MPPED2: variants seen among roughly 807,000 people sequenced by gnomAD.
The protein encoded by MPPED2 is metallophosphoesterase domain containing 2, also known as metallophosphoesterase MPPED2.
In MPPED2, 5 loss-of-function variants were observed where a neutral mutation model predicts 33.0. The ratio of observed to expected loss-of-function variants is 0.15; its 90% CI spans 0.08 to 0.32. The LOEUF is 0.32. Among genes scored for constraint, MPPED2 ranks in the 10% least tolerant of loss-of-function variants. The probability of loss-of-function intolerance (pLI) is 1.00; values close to 1 mark genes in which losing one functional copy is unlikely to be tolerated. For synonymous variants in MPPED2, 136 were observed against 141.9 expected (o/e 0.96, Z 0.29); for missense variants, 275 against 372.1 (o/e 0.74, Z 2.15).
chr11:30,529,714 C>T (rs181118472), intron 3 of MPPED2, among the ~76,000 whole-genome samples: 90 of 152,216 alleles, frequency 5.9e-4, no homozygotes, highest in African/African-American at 2.0e-3. Flanking sequence ...AAGGTTTTTC[C>T]TAAAGACCAG....
intron 4 of MPPED2, among the ~76,000 whole-genome samples, chr11:30,457,399 C>G (rs2482466): frequency 0.12 from 16,421 of 139,272 alleles, 1,195 homozygotes; most frequent in South Asian, 0.26. Context: ...AAAAAAAAAA[C>G]AGTTCCTTCT....
At chr11:30,540,393 C>T (rs1010065504) in intron 2 of MPPED2, among the ~76,000 whole-genome samples, 13 of 152,202 alleles carry the variant, frequency 8.5e-5, no homozygotes, top group South Asian at 6.2e-4. Flanking sequence ...GCCTTGGTTC[C>T]CTCATCAGTA....
At chr11:30,386,417 A>T (rs927146629) in exon 7 of MPPED2, 1 of 231,960 alleles carries the variant, frequency 4.3e-6, no homozygotes, top group Non-Finnish European at 8.3e-6. Flanking sequence ...GGCAGCTCCA[A>T]TTCCAGTCTT....
At chr11:30,450,667 C>T (rs1950017356) in intron 4 of MPPED2, among the ~76,000 whole-genome samples, 1 of 152,180 alleles carries the variant, frequency 6.6e-6, no homozygotes, top group Admixed American at 6.5e-5. Flanking sequence ...ATAATAGCTG[C>T]ATATGTGAAC....
chr11:30,424,811 A>G (rs10488820), intron 4 of MPPED2, among the ~76,000 whole-genome samples: 14,119 of 152,222 alleles, frequency 0.093, 726 homozygotes, highest in East Asian at 0.19. Flanking sequence ...GATGTCTTGC[A>G]TTAGCCCACA....
At chr11:30,460,301 C>G (rs973606412) in intron 4 of MPPED2, among the ~76,000 whole-genome samples, 2 of 152,126 alleles carry the variant, frequency 1.3e-5, no homozygotes, top group African/African-American at 2.4e-5. Flanking sequence ...TCCCCCTCAC[C>G]CCAAAAATGG....
intron 3 of MPPED2, among the ~76,000 whole-genome samples, chr11:30,497,765 A>G (rs2134222688): frequency 6.6e-6 from 1 of 151,158 alleles, no homozygotes; most frequent in South Asian, 2.1e-4. Flanking sequence ...TCAGAAAGAC[A>G]AGCATCTTTG....
At chr11:30,435,570 C>T (rs1314149897) in intron 4 of MPPED2, among the ~76,000 whole-genome samples, 1 of 152,166 alleles carries the variant, frequency 6.6e-6, no homozygotes, top group African/African-American at 2.4e-5. Context: ...AACTGTGTTT[C>T]AAAATCTCAC....
chr11:30,474,800 T>C (rs948125587), intron 4 of MPPED2, among the ~76,000 whole-genome samples: 2 of 152,184 alleles, frequency 1.3e-5, no homozygotes, highest in Non-Finnish European at 2.9e-5. Flanking sequence ...TTCTAAGTTA[T>C]GTAAGCCAGT....
At position 30,485,984 on chromosome 11, in the gene MPPED2, G is replaced by A. The variant is rs141987873; in HGVS notation, c.536+9312C>T. ...AGCATGCAGGCTCATCAGAAGGGGC[G>A]GAAGGATGTCCTGCGGCTCTGCAGA... On this transcript the variant is annotated intron_variant, in intron 4 of 6. Coordinates refer to ENST00000358117, the MANE Select transcript of MPPED2 (RefSeq NM_001584.3). 1.7e-3 allele frequency among the ~76,000 whole-genome samples: 261 copies of A among 152,288 alleles called. 2 individuals carry two copies. The highest frequency in any genetic ancestry group is 5.7e-3 in the African/African-American group (237 of 41,550).
At chr11:30,524,683 G>A (rs1156766232) in intron 3 of MPPED2, among the ~76,000 whole-genome samples, 4 of 152,140 alleles carry the variant, frequency 2.6e-5, no homozygotes, top group African/African-American at 9.7e-5. Flanking sequence ...AGTCTTTTTA[G>A]GCACCATAGA....
intron 5 of MPPED2, among the ~76,000 whole-genome samples, chr11:30,415,066 G>A (rs1293592308): frequency 6.6e-6 from 1 of 152,184 alleles, no homozygotes; most frequent in Non-Finnish European, 1.5e-5. Flanking sequence ...ATACGCCTCA[G>A]CAGGATAGGG....
At chr11:30,415,138 G>A (rs957293534) in intron 5 of MPPED2, among the ~76,000 whole-genome samples, 1 of 152,126 alleles carries the variant, frequency 6.6e-6, no homozygotes. Context: ...ATTCCACAGC[G>A]CCATTAGGTT....
intron 3 of MPPED2, among the ~76,000 whole-genome samples, chr11:30,500,670 T>C (rs924000596): frequency 5.9e-5 from 9 of 152,324 alleles, no homozygotes; most frequent in Admixed American, 3.9e-4. Context: ...AAACCATCAG[T>C]GCACGTTCAC....
chr11:30,410,167 T>C, downstream of MPPED2: 1 of 985,608 alleles, frequency 1.0e-6, no homozygotes, highest in Non-Finnish European at 1.2e-6. Flanking sequence ...AATAAATCCC[T>C]CCTTCCCCAG....
chr11:30,495,583 C>A, intron 3 of MPPED2, 62 bp from the exon 4 acceptor site: 1 of 1,257,866 alleles, frequency 7.9e-7, no homozygotes, highest in Non-Finnish European at 1.1e-6. Context: ...GTACAACAGC[C>A]GAGACTGTGT....
At chr11:30,434,264 T>A (rs183786916) in intron 4 of MPPED2, among the ~76,000 whole-genome samples, 31 of 152,330 alleles carry the variant, frequency 2.0e-4, no homozygotes, top group African/African-American at 7.5e-4. Flanking sequence ...TCACTACTGA[T>A]GAGCTGAAGA....
chr11:30,405,151 ATT>A (rs953671927), intron 6 of MPPED2, among the ~76,000 whole-genome samples: 3 of 152,226 alleles, frequency 2.0e-5, no homozygotes, highest in African/African-American at 7.2e-5. Context: ...ATGATAGCCC[ATT>A]TATACAAAAG....
intron 4 of MPPED2, among the ~76,000 whole-genome samples, chr11:30,463,605 G>C (rs1159934542): frequency 6.6e-6 from 1 of 152,208 alleles, no homozygotes; most frequent in Non-Finnish European, 1.5e-5. Context: ...TAAGGAGACA[G>C]CATGCCTGAG....
Sources: gnomAD v4.1 joint callset for allele counts (sites outside exome capture counted in the v4.1 genomes callset) on GRCh38, gnomAD v4.1.1 for gene constraint, MANE v1.5 for transcripts, NCBI Gene and HGNC (gene_info 2026-07-23, HGNC 2026-07-21) for gene names.